Variants in CNTN6 observed in about 807,000 individuals in gnomAD.
CNTN6 encodes contactin 6.
Under a neutral mutation model 122.8 loss-of-function variants are expected in CNTN6, and 137 were observed. The observed-to-expected ratio is 1.12, with a 90% CI of 0.97 to 1.29. The LOEUF is 1.29. Ranked by LOEUF, CNTN6 falls within the 50% of genes most tolerant of loss-of-function variation. CNTN6 has a pLI of 0.00. For missense variants in CNTN6, 1,634 were observed against 1,223.4 expected (o/e 1.34, Z -5.01); for synonymous variants, 570 against 426.0 (o/e 1.34, Z -4.16).
chr3:1,378,616 C>T (rs761195271), intron 17 of CNTN6, among the ~76,000 whole-genome samples: 1 of 152,044 alleles, frequency 6.6e-6, no homozygotes, highest in Non-Finnish European at 1.5e-5. Context: ...GGGGGAAACC[C>T]TATTTTTTCA....
intron 22 of CNTN6, 178 bp downstream of exon 22, chr3:1,402,664 A>G: frequency 2.0e-6 from 1 of 512,200 alleles, no homozygotes; most frequent in South Asian, 3.7e-5. Context: ...TATAACATAC[A>G]CTATAAATGG....
At chr3:1,390,259 C>T (rs1693913708) in intron 20 of CNTN6, among the ~76,000 whole-genome samples, 1 of 152,082 alleles carries the variant, frequency 6.6e-6, no homozygotes, top group Non-Finnish European at 1.5e-5. Context: ...AAGAATCTCA[C>T]TCAAAACCGC....
chr3:1,206,514 A>T (rs2093959847), intron 2 of CNTN6, among the ~76,000 whole-genome samples: 1 of 152,102 alleles, frequency 6.6e-6, no homozygotes, highest in Non-Finnish European at 1.5e-5. Flanking sequence ...TCATGTTCTT[A>T]TGCAACTGCA....
chr3:1,298,623 A>G (rs1340851130), intron 7 of CNTN6, among the ~76,000 whole-genome samples: 1 of 152,152 alleles, frequency 6.6e-6, no homozygotes, highest in Non-Finnish European at 1.5e-5. Flanking sequence ...TTTTGGAGGT[A>G]TACAAATTTC....
At chr3:1,325,721 C>T (rs1417618284) in intron 8 of CNTN6, 94 bp from the exon 9 acceptor site, 19 of 1,354,484 alleles carry the variant, frequency 1.4e-5, no homozygotes, top group East Asian at 1.2e-4. Context: ...CCCAGTTAGC[C>T]TTGTCCTTCT....
At chr3:1,292,337 C>G (rs78468541) in intron 5 of CNTN6, among the ~76,000 whole-genome samples, 11 of 151,948 alleles carry the variant, frequency 7.2e-5, no homozygotes, top group African/African-American at 2.4e-4. Context: ...AAAGTTTTAT[C>G]ACTATGTTTT....
chr3:1,387,067 A>C (rs1026964368), intron 20 of CNTN6, among the ~76,000 whole-genome samples: 1 of 152,218 alleles, frequency 6.6e-6, no homozygotes, highest in Non-Finnish European at 1.5e-5. Flanking sequence ...ACAACTTGAA[A>C]TAGGACAAGG....
intron 12 of CNTN6, among the ~76,000 whole-genome samples, chr3:1,356,109 T>G (rs1324522657): frequency 2.0e-5 from 3 of 151,796 alleles, no homozygotes; most frequent in Non-Finnish European, 2.9e-5. Flanking sequence ...GGACTGAGAT[T>G]AAAATTACAA....
intron 1 of CNTN6, among the ~76,000 whole-genome samples, chr3:1,140,380 G>T (rs143657862): frequency 7.2e-5 from 11 of 152,206 alleles, no homozygotes; most frequent in African/African-American, 2.6e-4. Context: ...CCTCAATCAG[G>T]GATCTGCCTT....
intron 11 of CNTN6, among the ~76,000 whole-genome samples, chr3:1,336,213 T>C (rs1703043562): frequency 6.6e-6 from 1 of 152,004 alleles, no homozygotes. Flanking sequence ...TCAGAAAAAG[T>C]CTCATTAATA....
At chr3:1,376,075 A>T (rs1709816654) in intron 16 of CNTN6, among the ~76,000 whole-genome samples, 1 of 152,122 alleles carries the variant, frequency 6.6e-6, no homozygotes, top group African/African-American at 2.4e-5. Context: ...CAGTATAGAC[A>T]ATTTCATGTA....
intron 5 of CNTN6, among the ~76,000 whole-genome samples, chr3:1,283,903 G>A (rs763879107): frequency 6.6e-6 from 1 of 152,206 alleles, no homozygotes; most frequent in African/African-American, 2.4e-5. Context: ...TGGGGCTGAG[G>A]CAGGAGAATC....
intron 1 of CNTN6, among the ~76,000 whole-genome samples, chr3:1,125,286 A>G (rs2092119363): frequency 6.6e-6 from 1 of 151,982 alleles, no homozygotes; most frequent in Non-Finnish European, 1.5e-5. Flanking sequence ...GCAGACTGAG[A>G]CACAGACCCA....
At chr3:1,122,375 G>T (rs1327850782) in intron 1 of CNTN6, among the ~76,000 whole-genome samples, 2 of 148,658 alleles carry the variant, frequency 1.3e-5, no homozygotes, top group Non-Finnish European at 3.0e-5. Flanking sequence ...AGGAAGGAAG[G>T]AAGGGAGGAA....
intron 1 of CNTN6, among the ~76,000 whole-genome samples, chr3:1,105,365 A>G (rs2091169203): frequency 6.6e-6 from 1 of 151,964 alleles, no homozygotes; most frequent in South Asian, 2.1e-4. Context: ...TATTCTTTTG[A>G]TATTTTACAT....
intron 1 of CNTN6, among the ~76,000 whole-genome samples, chr3:1,145,361 C>G (rs2092702844): frequency 6.6e-6 from 1 of 152,112 alleles, no homozygotes; most frequent in Non-Finnish European, 1.5e-5. Flanking sequence ...ATGACCTGGT[C>G]ATATGCTTGT....
chr3:1,119,125 T>G (rs1311112316), intron 1 of CNTN6, among the ~76,000 whole-genome samples: 1 of 151,998 alleles, frequency 6.6e-6, no homozygotes, highest in Non-Finnish European at 1.5e-5. Context: ...CTTTTTTACA[T>G]TCTGTCTTCG....
intron 1 of CNTN6, among the ~76,000 whole-genome samples, chr3:1,140,447 C>A (rs2092583371): frequency 6.6e-6 from 1 of 152,116 alleles, no homozygotes; most frequent in South Asian, 2.1e-4. Context: ...TAACTATCAC[C>A]TATATATGTA....
Position 1,383,041 on chromosome 3 carries a change from G to C in CNTN6, c.2266G>C (p.Val756Leu). The C allele has an allele frequency of 6.2e-7, 1 of 1,614,038 alleles. No individual in the cohort carries two copies. Among genetic ancestry groups the C allele is most frequent in the Non-Finnish European group, 8.5e-7 (1 of 1,179,936 alleles). ...TTWSKEKVSS[V>L]ESSRFVYRNE... ...CTGGTCCAAGGAGAAAGTGTCATCT[G>C]TGGAATCATCAAGGTTTGTCTACAG... Residue 756 changes from valine (V) to leucine (L), a missense_variant, in exon 18 of 23, where the codon GTG (valine) becomes CTG (leucine). By Grantham distance (32) the Val-to-Leu change is conservative. Coordinates refer to ENST00000446702, the MANE Select transcript of CNTN6 (RefSeq NM_001289080.2).
Sources: gnomAD v4.1 joint callset for allele counts (sites outside exome capture counted in the v4.1 genomes callset) on GRCh38, gnomAD v4.1.1 for gene constraint, MANE v1.5 for transcripts, NCBI Gene and HGNC (gene_info 2026-07-23, HGNC 2026-07-21) for gene names.